The following PTPRD variants were observed in gnomAD, a reference collection of about 807,000 sequenced individuals.
PTPRD encodes the protein receptor-type tyrosine-protein phosphatase delta.
A neutral mutation model predicts 214.5 loss-of-function variants in PTPRD; 34 were observed. The observed-to-expected ratio is 0.16, with a 90% CI of 0.12 to 0.21. The LOEUF (loss-of-function observed/expected upper bound fraction) is 0.21. Among genes scored for constraint, PTPRD ranks in the 10% least tolerant of loss-of-function variants. The pLI, the probability that PTPRD is intolerant of heterozygous loss-of-function variation, is 1.00. For synonymous variants in PTPRD, 1,128 were observed against 845.7 expected (o/e 1.33, Z -5.79); for missense variants, 2,545 against 2,398.7 (o/e 1.06, Z -1.27).
intron 3 of PTPRD, among the ~76,000 whole-genome samples, chr9:10,127,598 ATTAT>A (rs1459719122): frequency 5.9e-5 from 9 of 152,172 alleles, no homozygotes; most frequent in South Asian, 2.1e-4. Context: ...ATATACTGTA[ATTAT>A]TTATTAATGA....
chr9:8,919,553 G>C (rs2098810624), intron 11 of PTPRD, among the ~76,000 whole-genome samples: 1 of 152,174 alleles, frequency 6.6e-6, no homozygotes, highest in South Asian at 2.1e-4. Flanking sequence ...GCTGATTAAT[G>C]AGGGCATTGT....
chr9:9,505,378 C>T (rs906818918), intron 8 of PTPRD, among the ~76,000 whole-genome samples: 3 of 151,484 alleles, frequency 2.0e-5, no homozygotes, highest in Admixed American at 6.6e-5. Context: ...TTACTTTCCT[C>T]TTGCAAAAGT....
intron 3 of PTPRD, among the ~76,000 whole-genome samples, chr9:10,046,573 G>A (rs2097401090): frequency 6.6e-6 from 1 of 151,794 alleles, no homozygotes. Flanking sequence ...TGCCTCGGAT[G>A]CTTCAATGTT....
At chr9:10,266,404 G>A (rs1047213992) in intron 3 of PTPRD, among the ~76,000 whole-genome samples, 2 of 152,136 alleles carry the variant, frequency 1.3e-5, no homozygotes, top group African/African-American at 4.8e-5. Context: ...GGAAGAGAAA[G>A]CAATAAGAGA....
At chr9:8,612,622 G>C (rs191101925) in intron 14 of PTPRD, among the ~76,000 whole-genome samples, 4 of 152,156 alleles carry the variant, frequency 2.6e-5, no homozygotes, top group Admixed American at 2.6e-4. Context: ...CACATGCTTC[G>C]AACTTGGACA....
chr9:8,443,950 T>C (rs1265231066), intron 34 of PTPRD, among the ~76,000 whole-genome samples: 3 of 152,208 alleles, frequency 2.0e-5, no homozygotes, highest in African/African-American at 7.2e-5. Flanking sequence ...TTATGTTTAT[T>C]TTCATCATTT....
intron 5 of PTPRD, among the ~76,000 whole-genome samples, chr9:9,816,184 G>T: frequency 6.6e-6 from 1 of 151,708 alleles, no homozygotes; most frequent in Non-Finnish European, 1.5e-5. Flanking sequence ...TTGTTTTCTT[G>T]GCTAGTCTGA....
At chr9:8,985,331 T>C (rs2099335767) in intron 11 of PTPRD, among the ~76,000 whole-genome samples, 1 of 152,108 alleles carries the variant, frequency 6.6e-6, no homozygotes, top group Non-Finnish European at 1.5e-5. Context: ...ATGTCTCATA[T>C]ACTGTAATGA....
At chr9:9,258,962 G>A (rs947994895) in intron 9 of PTPRD, among the ~76,000 whole-genome samples, 5 of 151,722 alleles carry the variant, frequency 3.3e-5, no homozygotes, top group African/African-American at 7.3e-5. Context: ...AGTGTTTCTC[G>A]AGTTGGGGAG....
chr9:9,333,500 T>TATACTTTATATATATATATATA (rs2043130713), intron 9 of PTPRD, among the ~76,000 whole-genome samples: 1 of 98,926 alleles, frequency 1.0e-5, no homozygotes, highest in African/African-American at 6.0e-5. Flanking sequence ...TATTATATAG[T>TATACTTTATATATATATATATA]ATATTATATA....
intron 3 of PTPRD, among the ~76,000 whole-genome samples, chr9:10,158,454 G>C (rs2099107386): frequency 6.6e-6 from 1 of 152,076 alleles, no homozygotes; most frequent in Admixed American, 6.6e-5. Context: ...TACACTGTTG[G>C]ATTTGGTTTG....
chr9:8,929,378 A>G (rs2098928353), intron 11 of PTPRD, among the ~76,000 whole-genome samples: 1 of 152,020 alleles, frequency 6.6e-6, no homozygotes, highest in Non-Finnish European at 1.5e-5. Context: ...TACCTAGTTT[A>G]TTGAGAGTTT....
At position 10,379,141 on chromosome 9, in the gene PTPRD, G is replaced by A. The variant is rs187938118; in HGVS notation, c.-599-38124C>T. On this transcript the variant is annotated intron_variant, in intron 2 of 45. Transcript: ENST00000381196. ...TCAGTCACTGTTGGCATAGAGAAAT[G>A]CTACTGATTTTTTTTAATTTTACTA... Among the ~76,000 whole-genome samples the A allele has an allele frequency of 4.1e-3, 625 of 151,142 alleles. 1 individual carries two copies. The highest frequency in any genetic ancestry group is 7.2e-3 in the Non-Finnish European group (486 of 67,710).
chr9:9,125,433 C>T (rs2099828569), intron 10 of PTPRD, among the ~76,000 whole-genome samples: 1 of 152,162 alleles, frequency 6.6e-6, no homozygotes, highest in Non-Finnish European at 1.5e-5. Context: ...GTTTGACTTT[C>T]TTTCTTCCCA....
intron 11 of PTPRD, among the ~76,000 whole-genome samples, chr9:8,738,159 C>T (rs1249300539): frequency 6.6e-6 from 1 of 152,106 alleles, no homozygotes; most frequent in African/African-American, 2.4e-5. Flanking sequence ...ACTAACAGTT[C>T]AGAGGGCAAT....
chr9:9,578,156 A>C (rs2089610037), intron 7 of PTPRD, among the ~76,000 whole-genome samples: 1 of 152,080 alleles, frequency 6.6e-6, no homozygotes, highest in East Asian at 1.9e-4. Flanking sequence ...CAAGCAGGCA[A>C]ACCACAAAAG....
intron 12 of PTPRD, among the ~76,000 whole-genome samples, chr9:8,698,250 C>G (rs2154390418): frequency 6.6e-6 from 1 of 152,294 alleles, no homozygotes; most frequent in Middle Eastern, 3.4e-3. Flanking sequence ...GATGTTTATT[C>G]AGTGCTTTAC....
In PTPRD at chr9:9,789,959, T is replaced by C. The variant is rs77218448; in HGVS notation, c.-367-23108A>G. The stretch of plus-strand genomic sequence containing the variant: ...GGTCTTCAAAAACAGAGGTTAATCA[T>C]TTGAGCAAATATTTTATTTATCTTT... On this transcript the variant is annotated intron_variant, in intron 5 of 45. Transcript: ENST00000381196. Among the ~76,000 whole-genome samples, 700 of 152,236 alleles carry C rather than the reference T, an allele frequency of 4.6e-3. 6 individuals are homozygous for C. The highest frequency in any genetic ancestry group is 0.016 in the African/African-American group (657 of 41,556).
intron 9 of PTPRD, among the ~76,000 whole-genome samples, chr9:9,238,103 G>C (rs1447256442): frequency 6.6e-6 from 1 of 152,054 alleles, no homozygotes; most frequent in Non-Finnish European, 1.5e-5. Context: ...GGACCTGAAG[G>C]AGACATCCTG....
Sources: allele counts gnomAD v4.1 joint callset (sites outside exome capture counted in the v4.1 genomes callset), GRCh38; gene constraint gnomAD v4.1.1; transcripts MANE v1.5; gene names NCBI Gene and HGNC (gene_info 2026-07-23, HGNC 2026-07-21).